The following ABCC1 variants were observed in gnomAD, a reference collection of about 807,000 sequenced individuals.
ABCC1 encodes the protein ATP binding cassette subfamily C member 1 (ABCC1 blood group).
ABCC1 carries 83 observed loss-of-function variants against 172.9 expected under a neutral mutation model. That is an observed-to-expected ratio of 0.48 (90% CI 0.40 to 0.58). The LOEUF (loss-of-function observed/expected upper bound fraction) is 0.58, where lower values mean the gene tolerates loss of function less well. ABCC1 is among the 20% of genes least tolerant of loss of function. The pLI is 0.00. For synonymous variants in ABCC1, 937 were observed against 825.2 expected (o/e 1.14, Z -2.32); for missense variants, 1,817 against 2,002.7 (o/e 0.91, Z 1.77).
rs1037769867 is a variant in ABCC1 at position 16,068,183 on chromosome 16, G to A, written c.1705G>A (p.Val569Met). ...LVALCTFAVY[V>M]TIDENNILDA... ...GGCCTTGTGCACATTTGCCGTCTACGTGACCATTGACGAGAACAACATCCT... is the reference window on the plus strand; with the variant it reads ...GGCCTTGTGCACATTTGCCGTCTACATGACCATTGACGAGAACAACATCCT... Residue 569 changes from valine (V) to methionine (M), a missense_variant, in exon 13 of 31, where the codon GTG becomes ATG. Transcript: ENST00000399410. 9 of 1,614,040 alleles carry A rather than the reference G, an allele frequency of 5.6e-6. No homozygotes were observed. Among genetic ancestry groups the A allele is most frequent in the Middle Eastern group, 3.3e-4 (2 of 6,084 alleles).
chr16:15,953,877 G>A (rs1228114199), intron 1 of ABCC1, among the ~76,000 whole-genome samples: 1 of 152,006 alleles, frequency 6.6e-6, no homozygotes, highest in Non-Finnish European at 1.5e-5. Context: ...CTGATCCCTG[G>A]TTTAATTCTT....
At chr16:16,095,505 C>T (rs757579867) in intron 19 of ABCC1, among the ~76,000 whole-genome samples, 25 of 152,300 alleles carry the variant, frequency 1.6e-4, no homozygotes, top group Non-Finnish European at 3.1e-4. Context: ...GCACTCAAGA[C>T]GAATTCCCCC....
chr16:16,072,892 A>G (rs1417781513), intron 14 of ABCC1, among the ~76,000 whole-genome samples: 6 of 151,656 alleles, frequency 4.0e-5, no homozygotes, highest in Admixed American at 1.3e-4. Context: ...AAATACAAAA[A>G]TTAGCTGGAC....
chr16:16,018,889 G>C (rs535668193), intron 5 of ABCC1, among the ~76,000 whole-genome samples: 6 of 152,046 alleles, frequency 3.9e-5, no homozygotes, highest in Non-Finnish European at 8.8e-5. Flanking sequence ...TGTAATCCCA[G>C]CACTTTGAAA....
At chr16:16,010,008 C>T (rs1291203941) in intron 3 of ABCC1, 107 bp downstream of exon 3, 2 of 535,886 alleles carry the variant, frequency 3.7e-6, no homozygotes, top group Non-Finnish European at 2.7e-6. Flanking sequence ...CAATGATCAG[C>T]TGGAGCTGGG....
At chr16:16,104,907 C>T (rs1463212694) in intron 20 of ABCC1, among the ~76,000 whole-genome samples, 2 of 152,168 alleles carry the variant, frequency 1.3e-5, no homozygotes, top group East Asian at 1.9e-4. Context: ...GGCGGGGCTG[C>T]CCGGCAGCTC....
intron 28 of ABCC1, among the ~76,000 whole-genome samples, chr16:16,136,134 C>T (rs1328302987): frequency 6.6e-6 from 1 of 151,942 alleles, no homozygotes; most frequent in South Asian, 2.1e-4. Flanking sequence ...AGTGATTCTC[C>T]TGCCTCAGTC....
chr16:16,073,748 C>A (rs923203834), intron 14 of ABCC1, among the ~76,000 whole-genome samples: 3 of 152,104 alleles, frequency 2.0e-5, no homozygotes, highest in Non-Finnish European at 4.4e-5. Context: ...CAGAGTGAGA[C>A]CCTGTCTCAA....
At chr16:16,000,223 T>C (rs1406477504) in intron 1 of ABCC1, among the ~76,000 whole-genome samples, 1 of 151,936 alleles carries the variant, frequency 6.6e-6, no homozygotes. Context: ...TATGTCTCAC[T>C]GCAGTGTCTA....
chr16:16,026,288 C>T (rs1179831179), intron 5 of ABCC1, among the ~76,000 whole-genome samples: 2 of 151,564 alleles, frequency 1.3e-5, no homozygotes, highest in East Asian at 3.9e-4. Flanking sequence ...CAAAAATTAG[C>T]CAGGCATGGT....
intron 26 of ABCC1, among the ~76,000 whole-genome samples, chr16:16,130,758 AGAATCTGG>A (rs2152132497): frequency 6.6e-6 from 1 of 152,338 alleles, no homozygotes; most frequent in Non-Finnish European, 1.5e-5. Context: ...TGACGTTAAA[AGAATCTGG>A]GGGCAACATT....
At chr16:15,971,831 T>C (rs1341773096) in intron 1 of ABCC1, among the ~76,000 whole-genome samples, 1 of 152,120 alleles carries the variant, frequency 6.6e-6, no homozygotes, top group African/African-American at 2.4e-5. Flanking sequence ...GGGTTCTTGG[T>C]CCTCATGCCG....
intron 10 of ABCC1, among the ~76,000 whole-genome samples, chr16:16,051,210 C>T (rs1289087354): frequency 6.6e-6 from 1 of 151,644 alleles, no homozygotes; most frequent in Non-Finnish European, 1.5e-5. Flanking sequence ...TGCTCTGTTG[C>T]CCAGGCTGGA....
intron 12 of ABCC1, among the ~76,000 whole-genome samples, chr16:16,067,760 C>A (rs1259762547): frequency 6.6e-6 from 1 of 152,128 alleles, no homozygotes; most frequent in Non-Finnish European, 1.5e-5. Context: ...AGAGACAGCT[C>A]CCTTGAATGG....
chr16:16,068,952 A>C (rs2050216997), intron 13 of ABCC1, among the ~76,000 whole-genome samples: 1 of 149,758 alleles, frequency 6.7e-6, no homozygotes, highest in Admixed American at 6.8e-5. Context: ...GTGCCATTGC[A>C]TTCCAGTCTG....
intron 26 of ABCC1, among the ~76,000 whole-genome samples, chr16:16,131,511 C>T (rs1023367885): frequency 3.3e-5 from 5 of 152,124 alleles, no homozygotes; most frequent in African/African-American, 9.7e-5. Flanking sequence ...GCATGCGAGC[C>T]CCAAGAGGGC....
intron 1 of ABCC1, among the ~76,000 whole-genome samples, chr16:15,963,836 A>AT (rs767917202): frequency 2.4e-4 from 37 of 151,888 alleles, no homozygotes; most frequent in Non-Finnish European, 5.9e-5. Flanking sequence ...CATTTTCCCC[A>AT]TTGTCTTGGA....
rs779208306 is a variant in ABCC1, at chr16:16,115,031, C to T, written c.3345C>T (p.Ala1115=). 22 of 1,614,204 alleles carry T rather than the reference C, an allele frequency of 1.4e-5. No individual in the cohort carries two copies. Among genetic ancestry groups the T allele is most frequent in the Middle Eastern group, 1.6e-4 (1 of 6,062 alleles). The change falls in exon 23 of 31, where the codon GCC becomes GCT. Residue 1115 remains alanine (A), a synonymous_variant. Transcript: ENST00000399410. The part of the protein sequence containing the change: ...CIVILLATPI[A]AIIIPPLGLI... ...TTATCCTGCTGGCCACGCCCATCGCCGCCATCATCATCCCGCCCCTTGGCC... is the reference window on the plus strand; with the variant it reads ...TTATCCTGCTGGCCACGCCCATCGCTGCCATCATCATCCCGCCCCTTGGCC...
At chr16:16,110,445 A>T (rs1398111813) in intron 21 of ABCC1, among the ~76,000 whole-genome samples, 3 of 152,038 alleles carry the variant, frequency 2.0e-5, no homozygotes, top group African/African-American at 7.2e-5. Context: ...GCTGGAGTGC[A>T]GTGGCGCATT....
Sources: gnomAD v4.1 joint callset for allele counts (sites outside exome capture counted in the v4.1 genomes callset) on GRCh38, gnomAD v4.1.1 for gene constraint, MANE v1.5 for transcripts, NCBI Gene and HGNC (gene_info 2026-07-23, HGNC 2026-07-21) for gene names.